Variants in USP53 observed in about 807,000 individuals in gnomAD.
The protein encoded by USP53 is ubiquitin carboxyl-terminal hydrolase 53.
In USP53, 71 loss-of-function variants were observed where a neutral mutation model predicts 94.9. That is an observed-to-expected ratio of 0.75 (90% CI 0.62 to 0.91). The LOEUF is 0.91. Among genes scored for constraint, USP53 ranks in the 40% least tolerant of loss-of-function variants. The pLI, the probability that USP53 is intolerant of heterozygous loss-of-function variation, is 0.00. For synonymous variants in USP53, 375 were observed against 422.7 expected (o/e 0.89, Z 1.39); for missense variants, 1,173 against 1,281.0 (o/e 0.92, Z 1.29).
intron 6 of USP53, among the ~76,000 whole-genome samples, chr4:119,246,605 A>G (rs1301804792): frequency 1.3e-5 from 2 of 152,358 alleles, no homozygotes; most frequent in East Asian, 1.9e-4. Context: ...ATAAATAACT[A>G]TAACAGGGGT....
intron 1 of USP53, among the ~76,000 whole-genome samples, chr4:119,213,641 G>GATATAT (rs141285286): frequency 0.15 from 16,079 of 108,030 alleles, 1,505 homozygotes; most frequent in African/African-American, 0.22. Flanking sequence ...TCTGGAAATA[G>GATATAT]ATATATATAT....
chr4:119,244,242 A>C (rs970404094), intron 5 of USP53, among the ~76,000 whole-genome samples: 2 of 152,234 alleles, frequency 1.3e-5, no homozygotes, highest in African/African-American at 2.4e-5. Flanking sequence ...AAAAACACTG[A>C]GTTATCTGTG....
intron 15 of USP53, among the ~76,000 whole-genome samples, chr4:119,270,092 A>AT (rs1236343849): frequency 6.7e-6 from 1 of 149,110 alleles, no homozygotes; most frequent in African/African-American, 2.4e-5. Context: ...TATTAAAGTT[A>AT]TTTTTAATAA....
chr4:119,264,979 T>G (rs1298339537), intron 12 of USP53, among the ~76,000 whole-genome samples: 1 of 152,186 alleles, frequency 6.6e-6, no homozygotes, highest in African/African-American at 2.4e-5. Flanking sequence ...GACTGAACTA[T>G]TGAACTGACA....
At chr4:119,281,666 G>T (rs1460398407) in intron 17 of USP53, among the ~76,000 whole-genome samples, 1 of 152,132 alleles carries the variant, frequency 6.6e-6, no homozygotes, top group Non-Finnish European at 1.5e-5. Context: ...GTTACAAAAT[G>T]ATGCTTGCTT....
At chr4:119,212,601 C>T, upstream of USP53, 1 of 413,990 alleles carries the variant, frequency 2.4e-6, no homozygotes, top group Non-Finnish European at 4.8e-6. Context: ...CTCCAGGGAC[C>T]TGTTGATCGC....
At chr4:119,287,265 C>A (rs1215028772) in intron 17 of USP53, among the ~76,000 whole-genome samples, 3 of 151,840 alleles carry the variant, frequency 2.0e-5, no homozygotes, top group Non-Finnish European at 4.4e-5. Flanking sequence ...TGGAAGTAAA[C>A]GTGTTAAATC....
chr4:119,228,910 A>G (rs1021930920), intron 3 of USP53, among the ~76,000 whole-genome samples: 6 of 152,208 alleles, frequency 3.9e-5, no homozygotes, highest in African/African-American at 1.4e-4. Flanking sequence ...GTAATATAAA[A>G]TAGAAGGAAG....
At chr4:119,263,465 GA>G (rs1750743951) in intron 12 of USP53, among the ~76,000 whole-genome samples, 1 of 152,140 alleles carries the variant, frequency 6.6e-6, no homozygotes, top group Non-Finnish European at 1.5e-5. Context: ...ACTGTACAGG[GA>G]AAAAGTTCTG....
Position 119,271,709 on chromosome 4 carries a change from C to G in USP53, c.1849C>G (p.Pro617Ala). The G allele has an allele frequency of 6.2e-7, 1 of 1,613,922 alleles. No individual in the cohort carries two copies. The highest frequency in any genetic ancestry group is 8.5e-7 in the Non-Finnish European group (1 of 1,180,002). Residue 617 changes from proline to alanine, a missense_variant, in exon 16 of 19, where the codon CCT (proline) becomes GCT (alanine). Pro to Ala is a conservative substitution (Grantham distance 27, BLOSUM62 -1). Coordinates refer to ENST00000692078, the MANE Select transcript of USP53 (RefSeq NM_001371395.1). ...ACATAAACCAAATATCAGTAATAAG[C>G]CTAAATCTAGCAAGGATCCGAGTTT... ...PRHKPNISNKPKSSKDPSFSN... is the reference protein window; with the variant it reads ...PRHKPNISNKAKSSKDPSFSN...
intron 17 of USP53, among the ~76,000 whole-genome samples, chr4:119,287,204 AT>A (rs576149873): frequency 3.0e-4 from 45 of 148,230 alleles, no homozygotes; most frequent in East Asian, 1.6e-3. Flanking sequence ...TTCTGGGCAA[AT>A]TTTTTTTTTT....
chr4:119,260,967 T>G (rs1750435659), intron 11 of USP53, among the ~76,000 whole-genome samples: 1 of 144,852 alleles, frequency 6.9e-6, no homozygotes, highest in African/African-American at 2.6e-5. Flanking sequence ...TTTTTTTTTT[T>G]TTTTTTTTTT....
chr4:119,264,019 C>T (rs1750821160), intron 12 of USP53, among the ~76,000 whole-genome samples: 1 of 152,126 alleles, frequency 6.6e-6, no homozygotes, highest in South Asian at 2.1e-4. Flanking sequence ...GAGCCGAGAT[C>T]GCGCCACTGC....
chr4:119,240,043 A>T (rs1369967716), intron 5 of USP53, 140 bp downstream of exon 5: 1 of 958,660 alleles, frequency 1.0e-6, no homozygotes, highest in Non-Finnish European at 1.4e-6. Flanking sequence ...ATGGGAGCAA[A>T]AGTGTTTTGG....
At chr4:119,287,655 A>G (rs1381513804) in intron 17 of USP53, among the ~76,000 whole-genome samples, 1 of 152,220 alleles carries the variant, frequency 6.6e-6, no homozygotes, top group Non-Finnish European at 1.5e-5. Flanking sequence ...ATACGGGAGA[A>G]TGCAGAAAAA....
At chr4:119,265,670 A>AAACAACAAC (rs56113456) in intron 12 of USP53, among the ~76,000 whole-genome samples, 27,569 of 150,432 alleles carry the variant, frequency 0.18, 2,821 homozygotes, top group South Asian at 0.24. Flanking sequence ...CCTTTTCTCA[A>AAACAACAAC]AACAACAACA....
At chr4:119,225,732 C>G (rs763806389) in intron 3 of USP53, among the ~76,000 whole-genome samples, 1 of 151,970 alleles carries the variant, frequency 6.6e-6, no homozygotes, top group Admixed American at 6.6e-5. Context: ...CAGCGAGACA[C>G]TGTCTCAAAA....
chr4:119,289,613 C>T (rs2149481572), intron 17 of USP53, among the ~76,000 whole-genome samples: 1 of 152,128 alleles, frequency 6.6e-6, no homozygotes, highest in East Asian at 1.9e-4. Flanking sequence ...TTTTCTGCTT[C>T]TCATTTCTAC....
At chr4:119,223,330 T>G (rs1057242061) in intron 3 of USP53, among the ~76,000 whole-genome samples, 1 of 152,146 alleles carries the variant, frequency 6.6e-6, no homozygotes, top group African/African-American at 2.4e-5. Flanking sequence ...AAAGCAGAAC[T>G]GGGAAAGAAC....
Sources: allele counts gnomAD v4.1 joint callset (sites outside exome capture counted in the v4.1 genomes callset), GRCh38; gene constraint gnomAD v4.1.1; transcripts MANE v1.5; gene names NCBI Gene and HGNC (gene_info 2026-07-23, HGNC 2026-07-21).